RPLP2: variants seen among roughly 807,000 people sequenced by gnomAD.
RPLP2 encodes the protein large ribosomal subunit protein P2.
Under a neutral mutation model 11.5 loss-of-function variants are expected in RPLP2, and 1 was observed. That is an observed-to-expected ratio of 0.09 (90% CI 0.03 to 0.41). The LOEUF is 0.41. Ranked by LOEUF, RPLP2 falls within the 10% of genes least tolerant of loss-of-function variation. The pLI, the probability that RPLP2 is intolerant of heterozygous loss-of-function variation, is 0.98. For missense variants in RPLP2, 177 were observed against 145.6 expected, an observed-to-expected ratio of 1.22 and a Z score of -1.11; for synonymous variants, 82 against 55.9, an observed-to-expected ratio of 1.47 and a Z score of -2.08.
chr11:811,545 C>G, intron 2 of RPLP2, 52 bp from the exon 3 acceptor site: 17 of 1,609,844 alleles, frequency 1.1e-5, no homozygotes, highest in Non-Finnish European at 1.4e-5. Context: ...GGGAGAGGGC[C>G]GGGGATACAA....
At position 811,626 on chromosome 11, in the gene RPLP2, T is replaced by A; in HGVS notation, c.153T>A (p.Ile51=). The change falls in exon 3 of 5, where the codon ATT becomes ATA. Residue 51 remains isoleucine (I), a synonymous_variant. Transcript: ENST00000321153. ...KVISELNGKN[I]EDVIAQGIGK... ...TCAGTGAGCTGAATGGAAAAAACATTGAAGACGTCATTGCCCAGGGTGAGT... is the reference window on the plus strand; with the variant it reads ...TCAGTGAGCTGAATGGAAAAAACATAGAAGACGTCATTGCCCAGGGTGAGT... The A allele has an allele frequency of 6.2e-7, 1 of 1,614,216 alleles. No individual in the cohort carries two copies. Among genetic ancestry groups the A allele is most frequent in the Admixed American group, 1.7e-5 (1 of 60,022 alleles).
chr11:811,354 T>G (rs977233040), intron 2 of RPLP2: 7 of 572,280 alleles, frequency 1.2e-5, no homozygotes, highest in Non-Finnish European at 2.2e-5. Flanking sequence ...CTATGAGTAG[T>G]CAACATAAGT....
chr11:810,076 G>A (rs1178480871), intron 1 of RPLP2, 37 bp downstream of exon 1: 20 of 902,566 alleles, frequency 2.2e-5, no homozygotes, highest in Non-Finnish European at 4.5e-6. Flanking sequence ...GCCGGCTGGG[G>A]ACGCGGAGTC....
At chr11:812,251 C>T (rs1261330188) in intron 3 of RPLP2, 10 of 502,040 alleles carry the variant, frequency 2.0e-5, no homozygotes, top group Admixed American at 6.5e-5. Context: ...ATGAACATGT[C>T]TGTCCAGTGG....
intron 2 of RPLP2, 103 bp downstream of exon 2, chr11:810,460 C>G (rs552951679): frequency 8.4e-7 from 1 of 1,186,198 alleles, no homozygotes; most frequent in Non-Finnish European, 1.2e-6. Flanking sequence ...CGGGGAGAGG[C>G]TCGTTTCAGT....
chr11:812,381 G>GCCTC lies in RPLP2; in HGVS notation c.173-154_173-153insCCTC. ...AAGTCCCCGTTGAGGAGTGGCTCAG[G>GCCTC]GAGGGAGTGTTCAGGAAGAACGGGA... On this transcript the variant is annotated intron_variant, in intron 3 of 4. Coordinates refer to ENST00000321153, the MANE Select transcript of RPLP2 (RefSeq NM_001004.4). 16 of 949,660 alleles carry GCCTC rather than the reference G, an allele frequency of 1.7e-5. No homozygotes were observed. In the South Asian group the frequency reaches 2.5e-4, roughly 15 times the overall value. The allele number at this position is 949,660 out of a possible 1,614,324, so 58.8% of individuals were successfully genotyped here.
At chr11:812,134 G>A (rs1036914998) in intron 3 of RPLP2, 1 of 379,786 alleles carries the variant, frequency 2.6e-6, no homozygotes. Flanking sequence ...TGTCTTCCAT[G>A]CATGTGACCA....
rs1008277697 is a variant in RPLP2, at chr11:812,590, C to T, written c.228C>T (p.Ala76=). The T allele has an allele frequency of 5.6e-6, 9 of 1,609,400 alleles. No homozygotes were observed. The African/African-American group carries it at 8.0e-5, about 14-fold the overall frequency. ...PAGGAVAVSA[A]PGSAAPAAGS... ...GTGGGGCTGTAGCCGTCTCTGCTGCCCCAGGCTCTGCAGCCCCTGCTGCTG... is the reference window on the plus strand; with the variant it reads ...GTGGGGCTGTAGCCGTCTCTGCTGCTCCAGGCTCTGCAGCCCCTGCTGCTG... The change falls in exon 4 of 5, where the codon GCC becomes GCT. Residue 76 remains alanine, a synonymous_variant. Coordinates refer to ENST00000321153, the MANE Select transcript of RPLP2 (RefSeq NM_001004.4).
chr11:811,477 C>A, intron 2 of RPLP2, 120 bp from the exon 3 acceptor site: 1 of 1,212,010 alleles, frequency 8.3e-7, no homozygotes, highest in Non-Finnish European at 1.2e-6. Context: ...CAGTGCAGTT[C>A]TGGAAACTTC....
intron 3 of RPLP2, chr11:812,058 T>C (rs1315680455): frequency 2.1e-5 from 8 of 385,472 alleles, no homozygotes. Context: ...GGCAGATGGT[T>C]TTTTGTTGGC....
chr11:810,492 A>G (rs188910398), intron 2 of RPLP2, 135 bp downstream of exon 2: 2 of 875,726 alleles, frequency 2.3e-6, no homozygotes, highest in African/African-American at 3.5e-5. Flanking sequence ...TTTCTTGGAT[A>G]GAGAAGTAAG....
Position 812,780 on chromosome 11 carries a change from A to G in RPLP2, c.292A>G (p.Lys98Glu). ...CACAGCAGAGGAGAAGAAAGATGAG[A>G]AGAAGGAGGAGTCTGAAGAGTCAGA... The part of the protein sequence containing the change: ...PAAAEEKKDE[K>E]KEESEESDDD... Residue 98 changes from lysine to glutamate, a missense_variant, in exon 5 of 5, where the codon AAG becomes GAG. Coordinates refer to ENST00000321153, the MANE Select transcript of RPLP2 (RefSeq NM_001004.4). 1 of 1,613,710 alleles carries G rather than the reference A, an allele frequency of 6.2e-7. No individual in the cohort carries two copies. Among genetic ancestry groups the G allele is most frequent in the Middle Eastern group, 1.7e-4 (1 of 5,860 alleles).
chr11:812,425 G>A, intron 3 of RPLP2, 110 bp from the exon 4 acceptor site: 1 of 1,411,758 alleles, frequency 7.1e-7, no homozygotes, highest in Admixed American at 1.9e-5. Context: ...CATATGGTGG[G>A]TCCAGATATG....
At chr11:810,901 A>T (rs1464564870) in intron 2 of RPLP2, among the ~76,000 whole-genome samples, 2 of 145,984 alleles carry the variant, frequency 1.4e-5, no homozygotes, top group African/African-American at 5.0e-5. Flanking sequence ...AAAAAAAAGC[A>T]GTCCTGGCGC....
Position 810,168 on chromosome 11 carries a change from C to T in RPLP2, c.-1-66C>T, listed in dbSNP as rs538751053. 182 of 1,408,356 alleles carry T rather than the reference C, an allele frequency of 1.3e-4. 1 individual carries two copies. The Middle Eastern group carries it at 1.8e-3, about 14-fold the overall frequency. The allele number at this position is 1,408,356 out of a possible 1,614,324, so 87.2% of individuals were successfully genotyped here. On this transcript the variant is annotated intron_variant, in intron 1 of 4. Coordinates refer to ENST00000321153, the MANE Select transcript of RPLP2 (RefSeq NM_001004.4). ...GCCACGCGCGGCCTCGCCCGGCGGC[C>T]CCGGGATGGGCCGGCAGGAGGCCGC...
At chr11:810,844 C>T (rs1325786967) in intron 2 of RPLP2, among the ~76,000 whole-genome samples, 12 of 146,890 alleles carry the variant, frequency 8.2e-5, no homozygotes, top group Non-Finnish European at 1.6e-4. Context: ...GATTAACAAG[C>T]TTTGGAAGTT....
rs542687757 is a variant in RPLP2, at chr11:810,011, T to G, written c.-30T>G. ...ACCGAGGTCGCACGCGTGAGACTTC[T>G]CCGCCGCCTCCGCCGCAGACGCCGC... On this transcript the variant is annotated 5_prime_UTR_variant, in exon 1 of 5. Coordinates refer to ENST00000321153, the MANE Select transcript of RPLP2 (RefSeq NM_001004.4). The G allele has an allele frequency of 3.0e-3, 729 of 246,116 alleles. 1 individual carries two copies. The highest frequency in any genetic ancestry group is 5.7e-3 in the African/African-American group (220 of 38,784). The allele number at this position is 246,116 out of a possible 1,614,324, so 15.2% of individuals were successfully genotyped here.
chr11:812,522 C>T lies in RPLP2; in HGVS notation c.173-13C>T. ...GGGCAGCTGCTCTGGTCTCACCTCT[C>T]TGCTTTCTGTAGGTATTGGCAAGCT... On this transcript the variant is annotated splice_polypyrimidine_tract_variant and intron_variant, in intron 3 of 4. Coordinates refer to ENST00000321153, the MANE Select transcript of RPLP2 (RefSeq NM_001004.4). The T allele has an allele frequency of 3.1e-6, 5 of 1,608,620 alleles. No homozygotes were observed. Among genetic ancestry groups the T allele is most frequent in the Non-Finnish European group, 4.2e-6 (5 of 1,179,786 alleles).
chr11:811,471 G>A, intron 2 of RPLP2, 126 bp from the exon 3 acceptor site: 1 of 1,085,964 alleles, frequency 9.2e-7, no homozygotes, highest in East Asian at 2.5e-5. Flanking sequence ...TTTGGGCAGT[G>A]CAGTTCTGGA....
Sources: allele counts gnomAD v4.1 joint callset (sites outside exome capture counted in the v4.1 genomes callset), GRCh38; gene constraint gnomAD v4.1.1; transcripts MANE v1.5; gene names NCBI Gene and HGNC (gene_info 2026-07-23, HGNC 2026-07-21).